The following MAP2K5 variants were observed in gnomAD, a reference collection of about 807,000 sequenced individuals.
The protein encoded by MAP2K5 is dual specificity mitogen-activated protein kinase kinase 5.
A neutral mutation model predicts 83.1 loss-of-function variants in MAP2K5; 49 were observed. The observed-to-expected ratio is 0.59, with a 90% CI of 0.47 to 0.75. MAP2K5 has a LOEUF of 0.75. Among genes scored for constraint, MAP2K5 ranks in the 30% least tolerant of loss-of-function variants. The pLI is 0.00. For missense variants in MAP2K5, 457 were observed against 557.5 expected (o/e 0.82, Z 1.82); for synonymous variants, 202 against 191.8 (o/e 1.05, Z -0.44).
At chr15:67,614,991 GT>G (rs1052748279) in intron 8 of MAP2K5, among the ~76,000 whole-genome samples, 1 of 150,696 alleles carries the variant, frequency 6.6e-6, no homozygotes, top group South Asian at 2.1e-4. Flanking sequence ...GAGGGGCTCT[GT>G]TTTTTTTTCT....
intron 3 of MAP2K5, among the ~76,000 whole-genome samples, chr15:67,574,986 A>T (rs1337654250): frequency 6.6e-6 from 1 of 152,210 alleles, no homozygotes; most frequent in Non-Finnish European, 1.5e-5. Flanking sequence ...ACAGGGTCAT[A>T]GTGATGGTAT....
intron 13 of MAP2K5, among the ~76,000 whole-genome samples, chr15:67,681,742 T>A (rs1195501383): frequency 6.6e-6 from 1 of 152,216 alleles, no homozygotes; most frequent in Non-Finnish European, 1.5e-5. Flanking sequence ...AGAAGAAACT[T>A]ATTTCTCTTT....
chr15:67,761,292 T>G (rs1434798484), intron 19 of MAP2K5, among the ~76,000 whole-genome samples: 2 of 152,030 alleles, frequency 1.3e-5, no homozygotes, highest in Admixed American at 6.5e-5. Flanking sequence ...TCATAGTAAC[T>G]AGTTTTAAAC....
intron 17 of MAP2K5, among the ~76,000 whole-genome samples, chr15:67,741,027 C>CA (rs34516294): frequency 0.048 from 3,014 of 62,746 alleles, 153 homozygotes; most frequent in African/African-American, 0.13. Context: ...GACTCCGTCT[C>CA]AAAAAAAAAA....
intron 8 of MAP2K5, among the ~76,000 whole-genome samples, chr15:67,622,797 C>T (rs530539762): frequency 2.2e-4 from 34 of 152,186 alleles, no homozygotes; most frequent in Non-Finnish European, 2.9e-4. Context: ...AACTTTATAG[C>T]GTTTATAAGA....
intron 16 of MAP2K5, among the ~76,000 whole-genome samples, chr15:67,713,862 G>C (rs766943915): frequency 2.0e-5 from 3 of 152,178 alleles, no homozygotes; most frequent in Non-Finnish European, 4.4e-5. Context: ...TTCAAGGGCT[G>C]TTATCCTAAT....
chr15:67,558,195 T>C (rs1438330243), intron 2 of MAP2K5, among the ~76,000 whole-genome samples: 1 of 152,204 alleles, frequency 6.6e-6, no homozygotes, highest in African/African-American at 2.4e-5. Context: ...GTGCAGCTTA[T>C]TTTTGAATCC....
intron 16 of MAP2K5, among the ~76,000 whole-genome samples, chr15:67,706,633 C>A (rs1424713020): frequency 1.3e-5 from 2 of 152,122 alleles, no homozygotes; most frequent in African/African-American, 4.8e-5. Flanking sequence ...TTGAGCACCT[C>A]TGTACATGAT....
At chr15:67,554,727 A>C (rs551537376) in intron 2 of MAP2K5, among the ~76,000 whole-genome samples, 1 of 152,260 alleles carries the variant, frequency 6.6e-6, no homozygotes, top group South Asian at 2.1e-4. Context: ...GATAGGTACG[A>C]TGTTTTATTC....
Position 67,630,868 on chromosome 15 carries a change from G to GTT in MAP2K5, c.546-12_546-11dup. ...TTGTTTAGTGATCCCAAATGATTTT[G>GTT]TTTTTTTTTCTTCCCATAGAGCATA... On this transcript the variant is annotated intron_variant, in intron 8 of 21. Coordinates refer to ENST00000178640, the MANE Select transcript of MAP2K5 (RefSeq NM_145160.3). 5.1e-6 allele frequency: 8 copies of GTT among 1,561,042 alleles called. No individual in the cohort carries two copies. Among genetic ancestry groups the GTT allele is most frequent in the Admixed American group, 1.7e-5 (1 of 57,666 alleles).
intron 8 of MAP2K5, among the ~76,000 whole-genome samples, chr15:67,602,954 G>T (rs905217171): frequency 2.6e-5 from 4 of 152,128 alleles, no homozygotes; most frequent in Admixed American, 1.3e-4. Context: ...ACCTGGCCAG[G>T]TTTATTTTTT....
intron 20 of MAP2K5, among the ~76,000 whole-genome samples, chr15:67,771,768 G>A (rs1462221752): frequency 1.3e-5 from 2 of 152,182 alleles, no homozygotes; most frequent in African/African-American, 2.4e-5. Context: ...TTTTAAAAAA[G>A]TATTGTCAGC....
intron 21 of MAP2K5, among the ~76,000 whole-genome samples, chr15:67,797,727 G>T (rs1448562510): frequency 6.6e-6 from 1 of 152,020 alleles, no homozygotes; most frequent in Non-Finnish European, 1.5e-5. Context: ...CTGTGGCCCA[G>T]GCTGGAGTGC....
In MAP2K5 at chr15:67,652,338, A is replaced by G. The variant is rs771896509; in HGVS notation, c.736+5869A>G. Among the ~76,000 whole-genome samples the G allele has an allele frequency of 1.3e-5, 2 of 152,214 alleles. No individual in the cohort carries two copies. Among genetic ancestry groups the G allele is most frequent in the Non-Finnish European group, 2.9e-5 (2 of 68,046 alleles). On this transcript the variant is annotated intron_variant, in intron 11 of 21. Transcript: ENST00000178640. This position sits in a 1 kb window ranked among gnomAD's most constrained non-coding sequence, Gnocchi z 4.2. The stretch of plus-strand genomic sequence containing the variant: ...AGGAATACCTGAGACTGGGTAATTT[A>G]TAAAGAAAAGTGGTTTATTTGGCTT...
chr15:67,693,720 T>G, intron 15 of MAP2K5, 152 bp downstream of exon 15: 1 of 607,264 alleles, frequency 1.6e-6, no homozygotes, highest in South Asian at 2.1e-5. Context: ...TTTTAAATCT[T>G]TCTAAAAGAC....
At chr15:67,716,614 T>C (rs1197492629) in intron 16 of MAP2K5, among the ~76,000 whole-genome samples, 5 of 152,180 alleles carry the variant, frequency 3.3e-5, no homozygotes, top group African/African-American at 9.7e-5. Context: ...AGGGAGACTT[T>C]AACTTAAAGA....
intron 11 of MAP2K5, among the ~76,000 whole-genome samples, chr15:67,655,825 C>T (rs892069100): frequency 6.6e-6 from 1 of 152,164 alleles, no homozygotes; most frequent in African/African-American, 2.4e-5. Context: ...CTTTTCTCCT[C>T]TCTTTCTGAT....
rs1242896943 is a variant in MAP2K5, at chr15:67,775,805, G to T, written c.1242+3053G>T. ...AGGCAAAGGAAACAGGATGGGCAAA[G>T]CATGAGTGTATCTCGGTTTCAGACA... On this transcript the variant is annotated intron_variant, in intron 21 of 21. Coordinates refer to ENST00000178640, the MANE Select transcript of MAP2K5 (RefSeq NM_145160.3). This position sits in a 1 kb window ranked among gnomAD's most constrained non-coding sequence, Gnocchi z 5.3. Among the ~76,000 whole-genome samples the T allele has an allele frequency of 1.3e-5, 2 of 152,232 alleles. No individual in the cohort carries two copies. Among genetic ancestry groups the T allele is most frequent in the African/African-American group, 4.8e-5 (2 of 41,460 alleles).
rs1047661623 is a variant in MAP2K5 at position 67,559,100 on chromosome 15, C to G, written c.185-4183C>G. Reference sequence around the variant, plus strand: ...CTGAGAAGGGCTTTAAACATGACATCTTTTCCGGTAGTTTCCTGTTGATGT... The same window carrying G: ...CTGAGAAGGGCTTTAAACATGACATGTTTTCCGGTAGTTTCCTGTTGATGT... On this transcript the variant is annotated intron_variant, in intron 2 of 21. Coordinates refer to ENST00000178640, the MANE Select transcript of MAP2K5 (RefSeq NM_145160.3). The surrounding 1 kb of genome is among the most constrained non-coding windows in gnomAD (Gnocchi z 4.7). 1.3e-5 allele frequency among the ~76,000 whole-genome samples: 2 copies of G among 152,232 alleles called. No homozygotes were observed. Among genetic ancestry groups the G allele is most frequent in the South Asian group, 4.1e-4 (2 of 4,828 alleles).
Sources: allele counts gnomAD v4.1 joint callset (sites outside exome capture counted in the v4.1 genomes callset), GRCh38; gene constraint gnomAD v4.1.1; non-coding constraint Gnocchi (gnomAD v3.1); transcripts MANE v1.5; gene names NCBI Gene and HGNC (gene_info 2026-07-23, HGNC 2026-07-21).